The following MIB1 variants were observed in gnomAD, a reference collection of about 807,000 sequenced individuals.
MIB1 encodes E3 ubiquitin-protein ligase MIB1.
MIB1 carries 278 observed loss-of-function variants against 124.5 expected under a neutral mutation model. That is an observed-to-expected ratio of 2.23 (90% CI 2.02 to 2.47). The LOEUF is 2.47. Ranked by LOEUF, MIB1 falls within the 30% of genes most tolerant of loss-of-function variation. The probability of loss-of-function intolerance (pLI) is 0.00; values close to 1 mark genes in which losing one functional copy is unlikely to be tolerated. For synonymous variants in MIB1, 446 were observed against 429.4 expected (o/e 1.04, Z -0.48); for missense variants, 957 against 1,254.4 (o/e 0.76, Z 3.58).
At chr18:21,788,381 C>T (rs1038356683) in intron 6 of MIB1, among the ~76,000 whole-genome samples, 1 of 152,106 alleles carries the variant, frequency 6.6e-6, no homozygotes, top group Non-Finnish European at 1.5e-5. Flanking sequence ...ATGATCATAT[C>T]AGTAGATGCA....
chr18:21,811,974 T>A (rs749631368), intron 10 of MIB1, among the ~76,000 whole-genome samples: 23 of 152,178 alleles, frequency 1.5e-4, no homozygotes, highest in Non-Finnish European at 2.6e-4. Flanking sequence ...TAGTTAATAA[T>A]CACTGTGCTA....
At chr18:21,708,481 G>A (rs747084391) in intron 1 of MIB1, among the ~76,000 whole-genome samples, 2 of 152,032 alleles carry the variant, frequency 1.3e-5, no homozygotes, top group African/African-American at 2.4e-5. Flanking sequence ...TCGTGAAACC[G>A]CATCTCTCCT....
At chr18:21,857,297 T>G in intron 19 of MIB1, 54 bp downstream of exon 19, 1 of 1,055,780 alleles carries the variant, frequency 9.5e-7, no homozygotes, top group South Asian at 1.3e-5. Context: ...GGGACTTGCA[T>G]AAACACCTCT....
chr18:21,829,589 A>T (rs763175192), intron 12 of MIB1: 8 of 152,086 alleles, frequency 5.3e-5, no homozygotes, highest in Non-Finnish European at 1.2e-4. Flanking sequence ...AAAAACCAGG[A>T]TGAGTGTGGG....
intron 13 of MIB1, among the ~76,000 whole-genome samples, chr18:21,841,487 A>G (rs1437122394): frequency 1.3e-5 from 2 of 152,262 alleles, no homozygotes; most frequent in Admixed American, 6.5e-5. Context: ...AAGCATTATT[A>G]GTGATTAACA....
chr18:21,726,359 C>A (rs2040742098), intron 1 of MIB1, among the ~76,000 whole-genome samples: 1 of 152,082 alleles, frequency 6.6e-6, no homozygotes. Flanking sequence ...TTGAAACCAG[C>A]CTGGGCAACA....
At chr18:21,795,248 G>A (rs1399327683) in intron 7 of MIB1, among the ~76,000 whole-genome samples, 1 of 141,054 alleles carries the variant, frequency 7.1e-6, no homozygotes, top group Non-Finnish European at 1.5e-5. Context: ...CACATATTAG[G>A]GAACCAAGTC....
intron 1 of MIB1, among the ~76,000 whole-genome samples, chr18:21,722,061 G>GTA (rs948800733): frequency 5.9e-5 from 9 of 152,080 alleles, no homozygotes; most frequent in Non-Finnish European, 1.2e-4. Flanking sequence ...GTGTGTGTGT[G>GTA]TGTGTGTTTT....
chr18:21,778,196 C>T (rs777638862), intron 5 of MIB1, 27 bp downstream of exon 5: 6 of 1,451,746 alleles, frequency 4.1e-6, no homozygotes, highest in Non-Finnish European at 5.8e-6. Flanking sequence ...GAGAGTATTA[C>T]TAAATAATGG....
chr18:21,750,166 G>A (rs749497082), intron 1 of MIB1, among the ~76,000 whole-genome samples: 1 of 151,170 alleles, frequency 6.6e-6, no homozygotes, highest in Non-Finnish European at 1.5e-5. Flanking sequence ...GTCTCACTCT[G>A]TTGCCCAGGC....
intron 10 of MIB1, among the ~76,000 whole-genome samples, chr18:21,804,574 ATC>A (rs2041683683): frequency 2.0e-5 from 3 of 152,182 alleles, no homozygotes; most frequent in Admixed American, 2.0e-4. Context: ...TTGACTGGGG[ATC>A]TCTCTGTATC....
chr18:21,772,000 T>C (rs764877854), intron 3 of MIB1, among the ~76,000 whole-genome samples: 1 of 151,948 alleles, frequency 6.6e-6, no homozygotes, highest in African/African-American at 2.4e-5. Context: ...AAAAAAAAAT[T>C]TACATATGCT....
chr18:21,851,760 C>T (rs1216096900), intron 17 of MIB1, among the ~76,000 whole-genome samples: 1 of 152,142 alleles, frequency 6.6e-6, no homozygotes, highest in Non-Finnish European at 1.5e-5. Flanking sequence ...AGGTGGCCAA[C>T]CCGGCTATAT....
chr18:21,744,144 C>T (rs922328849), intron 1 of MIB1, among the ~76,000 whole-genome samples: 1 of 142,332 alleles, frequency 7.0e-6, no homozygotes, highest in Non-Finnish European at 1.5e-5. Context: ...TTGTAAGCTC[C>T]TGGCTCTTGT....
rs1227836267 is a variant in MIB1, at chr18:21,768,731, A to AGGAAATG, written c.512_518dup (p.Arg174LysfsTer4). On this transcript the variant is annotated frameshift_variant, in exon 3 of 21. Coordinates refer to ENST00000261537, the MANE Select transcript of MIB1 (RefSeq NM_020774.4). LOFTEE classifies it high-confidence loss of function. ...ACTGGCAGTGGGAAGATCAAGATGG[A>AGGAAATG]GGAAATGGACGTAGGGGAAAGGTAC... The AGGAAATG allele has an allele frequency of 5.0e-6, 8 of 1,611,012 alleles. No homozygotes were observed. Among genetic ancestry groups the AGGAAATG allele is most frequent in the Non-Finnish European group, 6.8e-6 (8 of 1,178,372 alleles).
chr18:21,864,688 G>A lies in MIB1; in HGVS notation c.*22G>A, dbSNP rs771088911. 1.3e-6 allele frequency: 2 copies of A among 1,595,262 alleles called. No homozygotes were observed. The highest frequency in any genetic ancestry group is 2.2e-5 in the South Asian group (2 of 89,366). On this transcript the variant is annotated 3_prime_UTR_variant, in exon 21 of 21. Transcript: ENST00000261537. ...TTAACTAAGACACATGGTGTATTTTGTTAGCTAATGTATCTAGTCATGAGA... is the reference window on the plus strand; with the variant it reads ...TTAACTAAGACACATGGTGTATTTTATTAGCTAATGTATCTAGTCATGAGA...
intron 12 of MIB1, among the ~76,000 whole-genome samples, chr18:21,832,960 A>T (rs1263983917): frequency 6.6e-6 from 1 of 152,204 alleles, no homozygotes. Context: ...TTCTCTTTCT[A>T]AGCCCTTTAT....
chr18:21,842,537 T>C (rs2042100665), intron 13 of MIB1, among the ~76,000 whole-genome samples: 1 of 152,212 alleles, frequency 6.6e-6, no homozygotes, highest in East Asian at 1.9e-4. Flanking sequence ...AGTCTCTTTC[T>C]TCATTAGGGT....
chr18:21,787,622 G>A (rs1398077044), intron 6 of MIB1, among the ~76,000 whole-genome samples: 2 of 152,132 alleles, frequency 1.3e-5, no homozygotes, highest in African/African-American at 2.4e-5. Flanking sequence ...GTAGATAGGG[G>A]GAAGGATGTT....
Sources: gnomAD v4.1 joint callset for allele counts (sites outside exome capture counted in the v4.1 genomes callset) on GRCh38, gnomAD v4.1.1 for gene constraint, MANE v1.5 for transcripts, NCBI Gene and HGNC (gene_info 2026-07-23, HGNC 2026-07-21) for gene names.